PARD3B: variants seen among roughly 807,000 people sequenced by gnomAD.
The protein encoded by PARD3B is par-3 family cell polarity regulator beta, also known as partitioning defective 3 homolog B.
A neutral mutation model predicts 130.2 loss-of-function variants in PARD3B; 103 were observed. The observed-to-expected ratio is 0.79, with a 90% confidence interval of 0.67 to 0.93. The LOEUF is 0.93. Among genes scored for constraint, PARD3B ranks in the 40% least tolerant of loss-of-function variants. The pLI, the probability that PARD3B is intolerant of heterozygous loss-of-function variation, is 0.00. For missense variants in PARD3B, 1,609 were observed against 1,499.2 expected (o/e 1.07, Z -1.21); for synonymous variants, 583 against 553.2 (o/e 1.05, Z -0.76).
chr2:204,972,304 T>C (rs1337107308), intron 3 of PARD3B, among the ~76,000 whole-genome samples: 1 of 152,190 alleles, frequency 6.6e-6, no homozygotes, highest in Non-Finnish European at 1.5e-5. Flanking sequence ...TGAAGTTTGC[T>C]TGAGAACATG....
At chr2:205,155,873 C>T (rs553282806) in intron 10 of PARD3B, among the ~76,000 whole-genome samples, 14 of 152,164 alleles carry the variant, frequency 9.2e-5, no homozygotes, top group South Asian at 2.1e-4. Flanking sequence ...TCATGTCCTT[C>T]GCCCACTTTT....
chr2:204,763,197 T>A (rs534110980), intron 2 of PARD3B, among the ~76,000 whole-genome samples: 1 of 152,232 alleles, frequency 6.6e-6, no homozygotes, highest in African/African-American at 2.4e-5. Context: ...CAGCATGGAT[T>A]GTTAACTGCT....
At chr2:205,010,552 T>C (rs1695631981) in intron 3 of PARD3B, among the ~76,000 whole-genome samples, 1 of 152,254 alleles carries the variant, frequency 6.6e-6, no homozygotes, top group Non-Finnish European at 1.5e-5. Flanking sequence ...TGAGACCTTT[T>C]ATTTCTAAGA....
chr2:205,201,832 C>T (rs1411472177), intron 15 of PARD3B, among the ~76,000 whole-genome samples: 5 of 152,018 alleles, frequency 3.3e-5, no homozygotes, highest in African/African-American at 9.7e-5. Flanking sequence ...AGTGAAACTC[C>T]ATCTCAAAAA....
intron 2 of PARD3B, among the ~76,000 whole-genome samples, chr2:204,874,644 G>T (rs954103856): frequency 3.9e-5 from 6 of 152,050 alleles, no homozygotes; most frequent in African/African-American, 1.4e-4. Context: ...AGCTTGATGG[G>T]TTTTAACAAA....
chr2:205,431,325 T>A (rs926336853), intron 19 of PARD3B, among the ~76,000 whole-genome samples: 1 of 151,994 alleles, frequency 6.6e-6, no homozygotes, highest in African/African-American at 2.4e-5. Flanking sequence ...GATCTGCCCA[T>A]CTTTGCCTCC....
chr2:204,715,899 G>T (rs746275989), intron 2 of PARD3B, among the ~76,000 whole-genome samples: 1 of 151,930 alleles, frequency 6.6e-6, no homozygotes, highest in Non-Finnish European at 1.5e-5. Context: ...TCTCTGCTCC[G>T]TGAAACCAGC....
chr2:204,746,624 A>G (rs971692825), intron 2 of PARD3B, among the ~76,000 whole-genome samples: 2 of 152,136 alleles, frequency 1.3e-5, no homozygotes, highest in African/African-American at 4.8e-5. Flanking sequence ...CTATTTCTCC[A>G]CATCCTCTCC....
At chr2:205,505,105 C>T (rs2050303590) in intron 21 of PARD3B, among the ~76,000 whole-genome samples, 1 of 152,132 alleles carries the variant, frequency 6.6e-6, no homozygotes. Context: ...ATGGATGAAG[C>T]TGGAAACCAT....
At position 205,105,184 on chromosome 2, in the gene PARD3B, G is replaced by A. The variant is rs1025216389; in HGVS notation, c.593+670G>A. Among the ~76,000 whole-genome samples the A allele has an allele frequency of 1.3e-5, 2 of 152,112 alleles. No individual in the cohort carries two copies. Among genetic ancestry groups the A allele is most frequent in the Admixed American group, 1.3e-4 (2 of 15,266 alleles). On this transcript the variant is annotated intron_variant, in intron 5 of 22. Coordinates refer to ENST00000406610, the MANE Select transcript of PARD3B (RefSeq NM_001302769.2). This position sits in a 1 kb window ranked among gnomAD's most constrained non-coding sequence, Gnocchi z 4.0. ...TCTCTTAGTTTCTAGTCTGTAGAAT[G>A]GAAATAGTATTAAAATCTTATTCAG... is the stretch of plus-strand genomic sequence containing the variant.
rs374608068 is a variant in PARD3B, at chr2:204,950,935, C to T, written c.223-14217C>T. 9.2e-4 allele frequency among the ~76,000 whole-genome samples: 140 copies of T among 152,314 alleles called. No homozygotes were observed. In the Middle Eastern group the frequency reaches 0.014, roughly 15 times the overall value. ...ATTCAAGCATTCTGATTTCAACTAG[C>T]AAGGTTCCACTGGGACTATAAGGTG... is the stretch of plus-strand genomic sequence containing the variant. On this transcript the variant is annotated intron_variant, in intron 2 of 22. Transcript: ENST00000406610.
At chr2:205,576,911 T>A (rs1356550468) in intron 22 of PARD3B, among the ~76,000 whole-genome samples, 1 of 152,214 alleles carries the variant, frequency 6.6e-6, no homozygotes. Context: ...GAGTATTGAG[T>A]CTTCCATCCA....
chr2:204,837,981 C>A (rs1347505143), intron 2 of PARD3B, among the ~76,000 whole-genome samples: 2 of 146,398 alleles, frequency 1.4e-5, no homozygotes, highest in Admixed American at 6.8e-5. Context: ...AGCATTGGGG[C>A]TACCAAGATG....
intron 2 of PARD3B, among the ~76,000 whole-genome samples, chr2:204,791,349 T>G (rs2042198295): frequency 6.6e-6 from 1 of 152,226 alleles, no homozygotes; most frequent in Admixed American, 6.5e-5. Flanking sequence ...TGTTTCCTAT[T>G]GATATCTTCT....
chr2:205,500,830 GGT>G (rs1357868543), intron 21 of PARD3B, among the ~76,000 whole-genome samples: 4 of 152,160 alleles, frequency 2.6e-5, no homozygotes, highest in Non-Finnish European at 5.9e-5. Flanking sequence ...AGCTGAACAT[GGT>G]AATAGCAGTG....
chr2:204,954,354 G>T (rs149803667), intron 2 of PARD3B, among the ~76,000 whole-genome samples: 88 of 152,176 alleles, frequency 5.8e-4, no homozygotes, highest in Non-Finnish European at 1.2e-3. Context: ...CTCCAATCAG[G>T]CTATATGCTG....
In PARD3B at chr2:204,607,308, A is replaced by G. The variant is rs188961151; in HGVS notation, c.120+61189A>G. 2.9e-3 allele frequency among the ~76,000 whole-genome samples: 446 copies of G among 152,308 alleles called. 1 individual carries two copies. Among genetic ancestry groups the G allele is most frequent in the African/African-American group, 0.01 (419 of 41,576 alleles). On this transcript the variant is annotated intron_variant, in intron 1 of 22. Transcript: ENST00000406610. Reference sequence around the variant, plus strand: ...ATTTCTGTTTTATACCGTAATCCTTATGAAGGATCAGTATAGAACTTTGCT... The same window carrying G: ...ATTTCTGTTTTATACCGTAATCCTTGTGAAGGATCAGTATAGAACTTTGCT...
intron 21 of PARD3B, among the ~76,000 whole-genome samples, chr2:205,543,794 G>A (rs187355004): frequency 4.6e-5 from 7 of 152,310 alleles, no homozygotes; most frequent in Non-Finnish European, 8.8e-5. Context: ...AAATGGAAGT[G>A]ACCAGAACTT....
At chr2:204,862,664 A>G (rs1204795186) in intron 2 of PARD3B, among the ~76,000 whole-genome samples, 1 of 152,128 alleles carries the variant, frequency 6.6e-6, no homozygotes, top group African/African-American at 2.4e-5. Context: ...ACCTCTCACT[A>G]GGACACTCAC....
Sources: gnomAD v4.1 joint callset for allele counts (sites outside exome capture counted in the v4.1 genomes callset) on GRCh38, gnomAD v4.1.1 for gene constraint, Gnocchi (gnomAD v3.1) non-coding constraint, MANE v1.5 for transcripts, NCBI Gene and HGNC (gene_info 2026-07-23, HGNC 2026-07-21) for gene names.